The following CNTN5 variants were observed in gnomAD, a reference collection of about 807,000 sequenced individuals.
CNTN5 encodes the protein contactin-5.
Under a neutral mutation model 129.1 loss-of-function variants are expected in CNTN5, and 77 were observed. That is an observed-to-expected ratio of 0.60 (90% CI 0.50 to 0.72). The LOEUF is 0.72. Ranked by LOEUF, CNTN5 falls within the 30% of genes least tolerant of loss-of-function variation. The pLI is 0.00. For missense variants in CNTN5, 1,478 were observed against 1,328.8 expected (o/e 1.11, Z -1.75); for synonymous variants, 509 against 465.6 (o/e 1.09, Z -1.20).
chr11:100,268,922 A>G (rs958116073), intron 17 of CNTN5, among the ~76,000 whole-genome samples: 1 of 152,194 alleles, frequency 6.6e-6, no homozygotes, highest in East Asian at 1.9e-4. Context: ...AGTAATGTCT[A>G]TTAATAATAT....
intron 16 of CNTN5, 126 bp from the exon 17 acceptor site, chr11:100,255,634 A>T: frequency 2.5e-6 from 2 of 784,640 alleles, no homozygotes; most frequent in Non-Finnish European, 3.8e-6. Flanking sequence ...TGTCAATTTT[A>T]ATTACTAAAT....
chr11:99,793,166 T>C (rs1945813458), intron 3 of CNTN5, among the ~76,000 whole-genome samples: 1 of 152,018 alleles, frequency 6.6e-6, no homozygotes, highest in African/African-American at 2.4e-5. Context: ...TTCACGCCAT[T>C]CTCCTGCCTC....
intron 2 of CNTN5, among the ~76,000 whole-genome samples, chr11:99,527,816 T>G (rs1947545443): frequency 6.6e-6 from 1 of 152,000 alleles, no homozygotes; most frequent in East Asian, 1.9e-4. Flanking sequence ...TGGAAAAAAT[T>G]TATTATCTGC....
intron 13 of CNTN5, among the ~76,000 whole-genome samples, chr11:100,126,746 A>G (rs1363019): frequency 0.8 from 121,052 of 151,998 alleles, 49,023 homozygotes; most frequent in East Asian, 1. Flanking sequence ...TTGCCATTGT[A>G]AGTCTTTTAA....
intron 9 of CNTN5, among the ~76,000 whole-genome samples, chr11:100,023,262 G>T (rs78422226): frequency 1.3e-5 from 2 of 151,732 alleles, no homozygotes; most frequent in Admixed American, 6.6e-5. Context: ...ATTTTCTTTC[G>T]CAATATTTGA....
chr11:99,075,648 A>G (rs549538344), intron 1 of CNTN5, among the ~76,000 whole-genome samples: 10 of 152,184 alleles, frequency 6.6e-5, no homozygotes, highest in Non-Finnish European at 1.5e-4. Flanking sequence ...TTATTTAGCA[A>G]CTTTATTTCC....
chr11:100,065,750 G>A (rs755314292), intron 10 of CNTN5, among the ~76,000 whole-genome samples: 2 of 152,006 alleles, frequency 1.3e-5, no homozygotes, highest in African/African-American at 2.4e-5. Context: ...GAATGGCATC[G>A]AGAGCAGATA....
At chr11:99,643,344 C>A (rs746197360) in intron 3 of CNTN5, among the ~76,000 whole-genome samples, 1 of 152,092 alleles carries the variant, frequency 6.6e-6, no homozygotes, top group Non-Finnish European at 1.5e-5. Context: ...CATAATGAGG[C>A]AATACCTTGT....
intron 1 of CNTN5, among the ~76,000 whole-genome samples, chr11:99,032,109 T>A (rs1282112447): frequency 1.3e-5 from 2 of 152,282 alleles, no homozygotes; most frequent in East Asian, 3.9e-4. Context: ...TCCTTTTTTA[T>A]GGCTGCATAT....
intron 6 of CNTN5, among the ~76,000 whole-genome samples, chr11:99,884,312 G>A (rs756276301): frequency 2.0e-5 from 3 of 151,920 alleles, no homozygotes; most frequent in Admixed American, 6.6e-5. Flanking sequence ...TTGTAGATAC[G>A]GAATATAACA....
intron 13 of CNTN5, among the ~76,000 whole-genome samples, chr11:100,155,871 C>A (rs1947224196): frequency 6.6e-6 from 1 of 152,090 alleles, no homozygotes; most frequent in South Asian, 2.1e-4. Context: ...TGAGACTTTG[C>A]TGAAGTTGCT....
rs550501632 is a variant in CNTN5 at position 99,990,453 on chromosome 11, T to TACACACACACACAC, written c.878-11580_878-11579insCACACACACACACA. ...TTCCCTTATTTTTAGAATATATATA[T>TACACACACACACAC]ATACACACACACACACACACACACA... On this transcript the variant is annotated intron_variant, in intron 8 of 24. Coordinates refer to ENST00000524871, the MANE Select transcript of CNTN5 (RefSeq NM_014361.4). Among the ~76,000 whole-genome samples, 970 of 144,042 alleles carry TACACACACACACAC rather than the reference T, an allele frequency of 6.7e-3. 11 individuals are homozygous for TACACACACACACAC. The highest frequency in any genetic ancestry group is 0.017 in the African/African-American group (659 of 38,168). 94.5% of individuals were successfully genotyped at this position (144,042 alleles called of 152,430 possible).
intron 1 of CNTN5, among the ~76,000 whole-genome samples, chr11:99,305,768 G>A (rs547967857): frequency 6.6e-6 from 1 of 152,042 alleles, no homozygotes; most frequent in East Asian, 1.9e-4. Context: ...ATCACCTGAG[G>A]TCGGGAGTTC....
intron 4 of CNTN5, among the ~76,000 whole-genome samples, chr11:99,835,460 C>T (rs890114667): frequency 2.0e-5 from 3 of 152,072 alleles, no homozygotes; most frequent in African/African-American, 7.2e-5. Flanking sequence ...AGGGAAAAGG[C>T]AAATAATGTG....
chr11:99,160,567 T>G (rs1195737132), intron 1 of CNTN5, among the ~76,000 whole-genome samples: 1 of 152,170 alleles, frequency 6.6e-6, no homozygotes, highest in Non-Finnish European at 1.5e-5. Flanking sequence ...GAACTACTAA[T>G]CACCATTTAT....
At chr11:99,942,124 A>G (rs1950452308) in intron 7 of CNTN5, among the ~76,000 whole-genome samples, 2 of 152,112 alleles carry the variant, frequency 1.3e-5, no homozygotes, top group South Asian at 2.1e-4. Flanking sequence ...TACTGGTAAC[A>G]TAACACTCTT....
At chr11:99,479,673 T>A (rs1945513765) in intron 2 of CNTN5, among the ~76,000 whole-genome samples, 1 of 152,134 alleles carries the variant, frequency 6.6e-6, no homozygotes, top group Admixed American at 6.5e-5. Context: ...AATCTTCTCT[T>A]AAAGTTTTTA....
chr11:99,271,412 A>C (rs1469355781), intron 1 of CNTN5, among the ~76,000 whole-genome samples: 1 of 151,908 alleles, frequency 6.6e-6, no homozygotes, highest in Non-Finnish European at 1.5e-5. Flanking sequence ...GGGATGGGGA[A>C]ATACACTTTG....
intron 2 of CNTN5, among the ~76,000 whole-genome samples, chr11:99,542,717 C>T (rs1232010278): frequency 6.6e-6 from 1 of 152,210 alleles, no homozygotes; most frequent in Non-Finnish European, 1.5e-5. Context: ...CCTCTTTGTA[C>T]ATCCAGAGCC....
Sources: allele counts gnomAD v4.1 joint callset (sites outside exome capture counted in the v4.1 genomes callset), GRCh38; gene constraint gnomAD v4.1.1; transcripts MANE v1.5; gene names NCBI Gene and HGNC (gene_info 2026-07-23, HGNC 2026-07-21).